Variants in DNAH7 observed in about 807,000 individuals in gnomAD.
DNAH7 encodes the protein axonemal beta dynein heavy chain 7.
In DNAH7, 397 loss-of-function variants were observed where a neutral mutation model predicts 444.6. That is an observed-to-expected ratio of 0.89 (90% CI 0.82 to 0.97). The LOEUF is 0.97. Ranked by LOEUF, DNAH7 falls within the 50% of genes least tolerant of loss-of-function variation. DNAH7 has a pLI of 0.00. For synonymous variants in DNAH7, 1,636 were observed against 1,624.4 expected (o/e 1.01, Z -0.17); for missense variants, 4,902 against 4,800.8 (o/e 1.02, Z -0.62).
Position 195,857,444 on chromosome 2 carries a change from T to A in DNAH7, c.8347A>T (p.Ile2783Phe), listed in dbSNP as rs1194466718. 7 of 1,612,800 alleles carry A rather than the reference T, an allele frequency of 4.3e-6. No homozygotes were observed. The Admixed American group carries it at 1.2e-4, about 27-fold the overall frequency. ...IPNPDFVPEK[I>F]RNASTAAEGL... ...TCGGCCGCTGTAGAAGCATTTCTGA[T>A]TTTTTCTGGTACAAAATCTGGATTT... The change falls in exon 44 of 65, where the codon ATC becomes TTC. Residue 2783 changes from isoleucine to phenylalanine, a missense_variant. Coordinates refer to ENST00000312428, the MANE Select transcript of DNAH7 (RefSeq NM_018897.3).
intron 51 of DNAH7, among the ~76,000 whole-genome samples, chr2:195,814,927 A>G (rs1697154295): frequency 6.6e-6 from 1 of 151,888 alleles, no homozygotes; most frequent in African/African-American, 2.4e-5. Flanking sequence ...TTTTTTGTAG[A>G]GATGGGGTTT....
At position 195,830,734 on chromosome 2, in the gene DNAH7, T is replaced by C. The variant is rs377327593; in HGVS notation, c.9100+3472A>G. 1.1e-4 allele frequency among the ~76,000 whole-genome samples: 17 copies of C among 152,292 alleles called. No individual in the cohort carries two copies. In the South Asian group the frequency reaches 2.3e-3, roughly 20 times the overall value. On this transcript the variant is annotated intron_variant, in intron 48 of 64. Coordinates refer to ENST00000312428, the MANE Select transcript of DNAH7 (RefSeq NM_018897.3). ...GGAAGAGCAAAAACAAGCTAAGAGA[T>C]TGAAACAATGCCATGTTGTTTCAGT...
chr2:195,978,682 C>T, intron 15 of DNAH7, among the ~76,000 whole-genome samples: 1 of 152,258 alleles, frequency 6.6e-6, no homozygotes, highest in African/African-American at 2.4e-5. Context: ...ACAAGAAACA[C>T]ACTTCACCTA....
Position 196,027,952 on chromosome 2 carries a change from C to T in DNAH7, c.486+8G>A, listed in dbSNP as rs1457006823. 6.2e-7 allele frequency: 1 copy of T among 1,608,192 alleles called. No individual in the cohort carries two copies. Among genetic ancestry groups the T allele is most frequent in the East Asian group, 2.2e-5 (1 of 44,580 alleles). ...TCAATTATACAGACAAAACAAATGGCCAGTTACCAAGATGTCTTTCTCTAT... is the reference window on the plus strand; with the variant it reads ...TCAATTATACAGACAAAACAAATGGTCAGTTACCAAGATGTCTTTCTCTAT... On this transcript the variant is annotated splice_region_variant and intron_variant, in intron 6 of 64. Transcript: ENST00000312428.
chr2:195,779,532 CAT>C (rs1160459850), intron 58 of DNAH7, among the ~76,000 whole-genome samples: 17 of 151,900 alleles, frequency 1.1e-4, no homozygotes, highest in Non-Finnish European at 2.4e-4. Flanking sequence ...ACAATTATTT[CAT>C]ATGTTTTATA....
rs1188567887 is a variant in DNAH7 at position 195,816,942 on chromosome 2, GTCT to G, written c.9444_9446del (p.Glu3148del). ...AAGATGAAAGAACTTCTAAAATCTT[GTCT>G]TCTATTTCTTTTAACTGCCTGGAAT... On this transcript the variant is annotated inframe_deletion, in exon 51 of 65. Coordinates refer to ENST00000312428, the MANE Select transcript of DNAH7 (RefSeq NM_018897.3). 6.3e-7 allele frequency: 1 copy of G among 1,599,266 alleles called. No homozygotes were observed. Among genetic ancestry groups the G allele is most frequent in the African/African-American group, 1.3e-5 (1 of 74,098 alleles).
At chr2:196,017,120 T>C (rs945643612) in intron 9 of DNAH7, among the ~76,000 whole-genome samples, 9 of 152,132 alleles carry the variant, frequency 5.9e-5, no homozygotes, top group African/African-American at 2.2e-4. Flanking sequence ...GTTCAAGTTA[T>C]TTTCCGGCCT....
chr2:195,907,241 A>AT (rs148930748), intron 25 of DNAH7, among the ~76,000 whole-genome samples: 3,568 of 148,634 alleles, frequency 0.024, 118 homozygotes, highest in African/African-American at 0.078. Context: ...TCCTTTCTGC[A>AT]TTTTTTTTTT....
intron 19 of DNAH7, among the ~76,000 whole-genome samples, 186 bp downstream of exon 19, chr2:195,957,075 A>T (rs1690716602): frequency 6.6e-6 from 1 of 152,230 alleles, no homozygotes; most frequent in Non-Finnish European, 1.5e-5. Flanking sequence ...TAATCAGGAC[A>T]AAATACCTAC....
chr2:195,817,297 C>T (rs1253210638), intron 50 of DNAH7, among the ~76,000 whole-genome samples: 1 of 152,156 alleles, frequency 6.6e-6, no homozygotes, highest in Non-Finnish European at 1.5e-5. Context: ...ATGACTTATA[C>T]AGCTTTACTC....
intron 5 of DNAH7, among the ~76,000 whole-genome samples, chr2:196,041,148 A>G (rs1409017330): frequency 5.3e-5 from 8 of 152,110 alleles, no homozygotes; most frequent in Admixed American, 4.6e-4. Flanking sequence ...TATACATTCA[A>G]TACACTCCCT....
intron 39 of DNAH7, among the ~76,000 whole-genome samples, chr2:195,873,181 G>C (rs1019866984): frequency 2.0e-5 from 3 of 152,144 alleles, no homozygotes; most frequent in Admixed American, 1.3e-4. Flanking sequence ...GCATCTTGTG[G>C]AGTAGCACAA....
At chr2:195,782,030 C>A (rs1695412495) in intron 58 of DNAH7, among the ~76,000 whole-genome samples, 1 of 150,566 alleles carries the variant, frequency 6.6e-6, no homozygotes, top group African/African-American at 2.4e-5. Flanking sequence ...CACACCCCTA[C>A]CAAAACAAGA....
chr2:196,015,254 C>T (rs1161762721), intron 9 of DNAH7, among the ~76,000 whole-genome samples: 1 of 152,036 alleles, frequency 6.6e-6, no homozygotes, highest in Non-Finnish European at 1.5e-5. Flanking sequence ...ATTTCAATCT[C>T]TTTACATTTC....
chr2:196,052,808 G>T (rs1697559298), intron 2 of DNAH7, among the ~76,000 whole-genome samples: 1 of 152,226 alleles, frequency 6.6e-6, no homozygotes, highest in African/African-American at 2.4e-5. Flanking sequence ...AGAGCTTACT[G>T]AAGTCAGAGG....
intron 24 of DNAH7, among the ~76,000 whole-genome samples, chr2:195,910,836 G>A (rs1043964538): frequency 1.3e-5 from 2 of 152,114 alleles, no homozygotes; most frequent in Non-Finnish European, 2.9e-5. Context: ...TTATGGAAGA[G>A]ACAAAGAAGC....
intron 34 of DNAH7, 106 bp downstream of exon 34, chr2:195,886,035 G>T: frequency 7.5e-7 from 1 of 1,340,728 alleles, no homozygotes; most frequent in Non-Finnish European, 1.0e-6. Context: ...CCGTTGACTA[G>T]TCTCCAACTT....
intron 61 of DNAH7, 68 bp downstream of exon 61, chr2:195,771,592 G>GT (rs1358216162): frequency 8.6e-7 from 1 of 1,168,412 alleles, no homozygotes; most frequent in Non-Finnish European, 1.3e-6. Flanking sequence ...TGCTAAACAA[G>GT]TATTTGCTAA....
chr2:195,890,467 G>C lies in DNAH7; in HGVS notation c.5046+1188C>G, dbSNP rs1701952367. On this transcript the variant is annotated intron_variant, in intron 31 of 64. Transcript: ENST00000312428. ...CAGTATTTGTGGGACATAGCTTCCT[G>C]AAAAATGTAATGTAAGTTGTAAGTA... Among the ~76,000 whole-genome samples, 2 of 152,198 alleles carry C rather than the reference G, an allele frequency of 1.3e-5. 1 individual carries two copies. The highest frequency in any genetic ancestry group is 4.1e-4 in the South Asian group (2 of 4,834).
Sources: gnomAD v4.1 joint callset for allele counts (sites outside exome capture counted in the v4.1 genomes callset) on GRCh38, gnomAD v4.1.1 for gene constraint, MANE v1.5 for transcripts, NCBI Gene and HGNC (gene_info 2026-07-23, HGNC 2026-07-21) for gene names.